The following EML1 variants were observed in gnomAD, a reference collection of about 807,000 sequenced individuals.
The protein encoded by EML1 is EMAP like 1.
Under a neutral mutation model 110.4 loss-of-function variants are expected in EML1, and 27 were observed. The ratio of observed to expected loss-of-function variants is 0.24; its 90% CI spans 0.18 to 0.34. The LOEUF is 0.34. Among genes scored for constraint, EML1 ranks in the 10% least tolerant of loss-of-function variants. The pLI, the probability that EML1 is intolerant of heterozygous loss-of-function variation, is 1.00. For synonymous variants in EML1, 344 were observed against 385.8 expected (o/e 0.89, Z 1.27); for missense variants, 741 against 1,030.9 (o/e 0.72, Z 3.85).
At chr14:99,914,400 A>AC in intron 14 of EML1, 96 bp downstream of exon 14, 1 of 1,549,214 alleles carries the variant, frequency 6.5e-7, no homozygotes, top group South Asian at 1.2e-5. Flanking sequence ...TACTACGATA[A>AC]CCTTCCTCCA....
At chr14:99,885,481 C>T (rs544022971) in intron 4 of EML1, among the ~76,000 whole-genome samples, 1 of 152,284 alleles carries the variant, frequency 6.6e-6, no homozygotes, top group East Asian at 1.9e-4. Flanking sequence ...CAGAAACACC[C>T]GTGTCTAGCC....
At chr14:99,822,945 G>C (rs984261752) in intron 1 of EML1, among the ~76,000 whole-genome samples, 1 of 152,174 alleles carries the variant, frequency 6.6e-6, no homozygotes, top group African/African-American at 2.4e-5. Flanking sequence ...TGCCCCACCA[G>C]ACATGCTGTT....
intron 1 of EML1, among the ~76,000 whole-genome samples, chr14:99,738,151 G>A (rs1038711303): frequency 6.6e-6 from 1 of 152,342 alleles, no homozygotes; most frequent in African/African-American, 2.4e-5. Flanking sequence ...GGACAGAGGG[G>A]CAGGGGCTGC....
intron 1 of EML1, among the ~76,000 whole-genome samples, chr14:99,802,734 G>C (rs186995004): frequency 6.6e-6 from 1 of 152,030 alleles, no homozygotes; most frequent in African/African-American, 2.4e-5. Flanking sequence ...GCAGGCTGTC[G>C]GTGAAGGTCT....
At chr14:99,919,471 C>T (rs1355262166) in intron 16 of EML1, among the ~76,000 whole-genome samples, 2 of 151,112 alleles carry the variant, frequency 1.3e-5, no homozygotes, top group African/African-American at 4.9e-5. Context: ...CACTCCACCT[C>T]CCATTTGACT....
intron 1 of EML1, among the ~76,000 whole-genome samples, chr14:99,777,393 G>A (rs1328240374): frequency 6.6e-6 from 1 of 152,118 alleles, no homozygotes; most frequent in East Asian, 1.9e-4. Flanking sequence ...CTTTTGGTAT[G>A]TCTTTACCTT....
chr14:99,852,469 G>T (rs1256729094), intron 2 of EML1, among the ~76,000 whole-genome samples: 1 of 152,140 alleles, frequency 6.6e-6, no homozygotes, highest in Non-Finnish European at 1.5e-5. Context: ...TTAAAAATTA[G>T]CTGGATGTGG....
At chr14:99,793,628 G>A (rs2057711809) in intron 1 of EML1, 85 bp downstream of exon 1, 1 of 949,092 alleles carries the variant, frequency 1.1e-6, no homozygotes, top group South Asian at 4.7e-5. Context: ...AAGCCGAGGG[G>A]CCGAGGCCCG....
intron 4 of EML1, among the ~76,000 whole-genome samples, chr14:99,879,634 C>G (rs2059352643): frequency 6.6e-6 from 1 of 152,192 alleles, no homozygotes; most frequent in Non-Finnish European, 1.5e-5. Flanking sequence ...ACATCTATAA[C>G]AGGTCAGGTC....
chr14:99,747,246 T>C (rs997916430), intron 1 of EML1, among the ~76,000 whole-genome samples: 3 of 122,268 alleles, frequency 2.5e-5, no homozygotes, highest in Non-Finnish European at 3.5e-5. Flanking sequence ...GGAAAAAAAA[T>C]CATGAGCTCC....
chr14:99,936,476 A>G lies in EML1; in HGVS notation c.2095+142A>G. 1.3e-6 allele frequency: 1 copy of G among 758,984 alleles called. No individual in the cohort carries two copies. The highest frequency in any genetic ancestry group is 2.2e-6 in the Non-Finnish European group (1 of 463,378). The allele number at this position is 758,984 out of a possible 1,614,324, so 47.0% of individuals were successfully genotyped here. The stretch of plus-strand genomic sequence containing the variant: ...CTAGGTCATGGTTTCCGCCTCTGTA[A>G]CGTAGGGGAGTGGGGCTGCGTGGCT... On this transcript the variant is annotated intron_variant, in intron 19 of 21. Coordinates refer to ENST00000262233, the MANE Select transcript of EML1 (RefSeq NM_004434.3). The surrounding 1 kb of genome is among the most constrained non-coding windows in gnomAD (Gnocchi z 5.5).
chr14:99,904,280 A>G (rs1404048859), intron 9 of EML1, among the ~76,000 whole-genome samples: 1 of 152,196 alleles, frequency 6.6e-6, no homozygotes. Flanking sequence ...GAATTTCTTT[A>G]CAAGATTAAT....
intron 1 of EML1, among the ~76,000 whole-genome samples, chr14:99,767,527 A>C (rs1595256469): frequency 6.6e-6 from 1 of 152,128 alleles, no homozygotes; most frequent in African/African-American, 2.4e-5. Context: ...GCTTGAACCC[A>C]GGAAGCGGAG....
At chr14:99,826,058 G>T (rs942814483) in intron 1 of EML1, among the ~76,000 whole-genome samples, 6 of 145,540 alleles carry the variant, frequency 4.1e-5, no homozygotes, top group South Asian at 2.2e-4. Context: ...GTTGACCTTT[G>T]TATGTTTTGA....
intron 16 of EML1, among the ~76,000 whole-genome samples, chr14:99,919,911 C>T (rs953537153): frequency 2.0e-5 from 3 of 152,184 alleles, no homozygotes; most frequent in Non-Finnish European, 4.4e-5. Flanking sequence ...ACTCACTCTG[C>T]GTCAGTGGAC....
chr14:99,902,764 C>G (rs557790680), intron 9 of EML1, among the ~76,000 whole-genome samples: 1 of 152,302 alleles, frequency 6.6e-6, no homozygotes, highest in East Asian at 1.9e-4. Flanking sequence ...GTAAATTCCT[C>G]TCCTCTTGGG....
intron 2 of EML1, among the ~76,000 whole-genome samples, chr14:99,860,483 G>A (rs2058984413): frequency 6.6e-6 from 1 of 152,052 alleles, no homozygotes; most frequent in Non-Finnish European, 1.5e-5. Flanking sequence ...CAAGATCCAG[G>A]CTGGCACCTG....
intron 17 of EML1, among the ~76,000 whole-genome samples, chr14:99,933,902 C>T (rs1226868216): frequency 2.0e-5 from 3 of 152,156 alleles, no homozygotes; most frequent in Non-Finnish European, 4.4e-5. Flanking sequence ...CGAGACCATC[C>T]TGGCCAACAT....
intron 2 of EML1, among the ~76,000 whole-genome samples, chr14:99,859,569 G>A (rs2058964795): frequency 6.6e-6 from 1 of 152,156 alleles, no homozygotes. Flanking sequence ...CTTGCCTGTG[G>A]ACACCTGGCT....
Sources: gnomAD v4.1 joint callset for allele counts (sites outside exome capture counted in the v4.1 genomes callset) on GRCh38, gnomAD v4.1.1 for gene constraint, Gnocchi (gnomAD v3.1) non-coding constraint, MANE v1.5 for transcripts, NCBI Gene and HGNC (gene_info 2026-07-23, HGNC 2026-07-21) for gene names.